The following TENM2 variants were observed in gnomAD, a reference collection of about 807,000 sequenced individuals.
The protein encoded by TENM2 is teneurin-2.
TENM2 carries 52 observed loss-of-function variants against 245.2 expected under a neutral mutation model. That is an observed-to-expected ratio of 0.21 (90% CI 0.17 to 0.27). The LOEUF is 0.27. Among genes scored for constraint, TENM2 ranks in the 10% least tolerant of loss-of-function variants. TENM2 has a pLI of 1.00. For synonymous variants in TENM2, 1,363 were observed against 1,438.9 expected (o/e 0.95, Z 1.19); for missense variants, 3,046 against 3,666.8 (o/e 0.83, Z 4.37).
chr5:167,433,243 C>A (rs1182640575), intron 2 of TENM2, among the ~76,000 whole-genome samples: 1 of 151,792 alleles, frequency 6.6e-6, no homozygotes, highest in African/African-American at 2.4e-5. Flanking sequence ...GTGTCAAGTC[C>A]ATTTTAATAC....
intron 13 of TENM2, among the ~76,000 whole-genome samples, chr5:168,180,770 C>T (rs1464686572): frequency 2.0e-5 from 3 of 151,992 alleles, no homozygotes; most frequent in African/African-American, 2.4e-5. Context: ...GGCATTGTGG[C>T]GGGCGCCTGT....
intron 2 of TENM2, among the ~76,000 whole-genome samples, chr5:167,619,654 C>T (rs1778027866): frequency 6.6e-6 from 1 of 152,138 alleles, no homozygotes; most frequent in Non-Finnish European, 1.5e-5. Context: ...CATTAAAGTG[C>T]TTAGACCTAG....
At chr5:167,581,676 A>C (rs1305117144) in intron 2 of TENM2, among the ~76,000 whole-genome samples, 1 of 152,186 alleles carries the variant, frequency 6.6e-6, no homozygotes, top group Non-Finnish European at 1.5e-5. Flanking sequence ...AGAGAGACAG[A>C]GAGAATAAAG....
chr5:168,100,824 G>A (rs1793749624), intron 9 of TENM2, among the ~76,000 whole-genome samples: 1 of 151,050 alleles, frequency 6.6e-6, no homozygotes. Flanking sequence ...TATGGGTGCA[G>A]CAAACCAGAT....
At chr5:167,739,059 T>C (rs1458767298) in intron 2 of TENM2, among the ~76,000 whole-genome samples, 1 of 152,132 alleles carries the variant, frequency 6.6e-6, no homozygotes, top group Non-Finnish European at 1.5e-5. Context: ...TAGAGAACAA[T>C]ATACATAAAT....
At chr5:167,391,970 G>A (rs1437443968) in intron 2 of TENM2, among the ~76,000 whole-genome samples, 1 of 152,102 alleles carries the variant, frequency 6.6e-6, no homozygotes, top group Non-Finnish European at 1.5e-5. Flanking sequence ...GTCCTTAAGT[G>A]TTGGGTGGAG....
rs776149151 is a variant in TENM2 at position 167,755,216 on chromosome 5, A to G, written c.503-120770A>G. 13 of 1,579,740 alleles carry G rather than the reference A, an allele frequency of 8.2e-6. No individual in the cohort carries two copies. The East Asian group carries it at 2.9e-4, about 35-fold the overall frequency. On this transcript the variant is annotated intron_variant, in intron 2 of 28. Coordinates refer to ENST00000518659, the Ensembl canonical transcript of TENM2. ...GGGTAAGGATGATGGATGTGCATGC[A>G]GATGGGGTTTTGCAAGCACCTGTCC...
At chr5:168,114,593 C>T (rs1457676840) in intron 9 of TENM2, among the ~76,000 whole-genome samples, 1 of 152,154 alleles carries the variant, frequency 6.6e-6, no homozygotes, top group African/African-American at 2.4e-5. Context: ...GCAGGACACC[C>T]CAGCCACCAC....
chr5:167,537,716 A>C (rs1463992948), intron 2 of TENM2, among the ~76,000 whole-genome samples: 1 of 152,234 alleles, frequency 6.6e-6, no homozygotes, highest in African/African-American at 2.4e-5. Context: ...GGTATGAGGC[A>C]AAGATTAAAG....
chr5:167,280,756 GTCTATCTATCTATCTA>G (rs70976408), upstream of TENM2, among the ~76,000 whole-genome samples: 32 of 145,982 alleles, frequency 2.2e-4, no homozygotes, highest in Admixed American at 6.8e-4. Flanking sequence ...CTATCTGTCT[GTCTATCTATCTATCTA>G]TCTATCTATC....
At chr5:167,203,157 T>C in the TENM2 span, among the ~76,000 whole-genome samples, 1 of 152,182 alleles carries the variant, frequency 6.6e-6, no homozygotes, top group East Asian at 1.9e-4. Flanking sequence ...CTGGATCATC[T>C]CATTTCTCTA....
Position 167,959,755 on chromosome 5 carries a change from T to C in TENM2, c.947+6933T>C, listed in dbSNP as rs150276267. Among the ~76,000 whole-genome samples the C allele has an allele frequency of 3.2e-3, 483 of 152,332 alleles. 2 individuals carry two copies. The highest frequency in any genetic ancestry group is 0.011 in the African/African-American group (465 of 41,570). On this transcript the variant is annotated intron_variant, in intron 4 of 28. Transcript: ENST00000518659. ...TTTTGTTCCCTTGCTGGTGAGGACT[T>C]GTGATCCTTTGGATGAGAAGAGGTG...
At chr5:167,185,629 T>C in the TENM2 span, among the ~76,000 whole-genome samples, 4 of 152,138 alleles carry the variant, frequency 2.6e-5, no homozygotes, top group African/African-American at 9.7e-5. Flanking sequence ...ATCTAGTTAG[T>C]CTTATATAAA....
chr5:167,165,610 A>C, the TENM2 span, among the ~76,000 whole-genome samples: 77 of 152,236 alleles, frequency 5.1e-4, 1 homozygote, highest in African/African-American at 1.7e-3. Context: ...TGAATACACA[A>C]AAAAAATCTT....
chr5:167,445,215 T>A (rs1279565183), intron 2 of TENM2, among the ~76,000 whole-genome samples: 39 of 151,712 alleles, frequency 2.6e-4, no homozygotes, highest in African/African-American at 8.9e-4. Context: ...AAATGCATTG[T>A]CTAGAGCATT....
chr5:167,369,124 A>G (rs932261928), intron 1 of TENM2, among the ~76,000 whole-genome samples: 1 of 152,142 alleles, frequency 6.6e-6, no homozygotes, highest in Non-Finnish European at 1.5e-5. Flanking sequence ...CTCTAGCACC[A>G]GGTTTGGAAC....
chr5:167,977,126 C>T (rs1158100412), intron 4 of TENM2, among the ~76,000 whole-genome samples: 2 of 151,992 alleles, frequency 1.3e-5, no homozygotes, highest in African/African-American at 2.4e-5. Flanking sequence ...GAGATGAGAA[C>T]ACATGGACAC....
chr5:167,599,276 G>A (rs916381612), intron 2 of TENM2, among the ~76,000 whole-genome samples: 2 of 152,076 alleles, frequency 1.3e-5, no homozygotes, highest in African/African-American at 4.8e-5. Flanking sequence ...AAAGAGAAAG[G>A]GTAGAACAAT....
chr5:167,869,880 C>T (rs1772668501), intron 2 of TENM2, among the ~76,000 whole-genome samples: 1 of 152,062 alleles, frequency 6.6e-6, no homozygotes, highest in South Asian at 2.1e-4. Flanking sequence ...AGAGCAATAT[C>T]CCAGGTATTG....
Sources: gnomAD v4.1 joint callset for allele counts (sites outside exome capture counted in the v4.1 genomes callset) on GRCh38, gnomAD v4.1.1 for gene constraint, MANE v1.5 for transcripts, NCBI Gene and HGNC (gene_info 2026-07-23, HGNC 2026-07-21) for gene names.